SMAP1: variants seen among roughly 807,000 people sequenced by gnomAD.
SMAP1 encodes stromal membrane-associated protein 1.
Under a neutral mutation model 58.5 loss-of-function variants are expected in SMAP1, and 24 were observed. The observed-to-expected ratio is 0.41, with a 90% confidence interval of 0.30 to 0.58. The LOEUF (loss-of-function observed/expected upper bound fraction) is 0.58. Among genes scored for constraint, SMAP1 ranks in the 20% least tolerant of loss-of-function variants. SMAP1 has a pLI of 0.29. For missense variants in SMAP1, 563 were observed against 566.3 expected (o/e 0.99, Z 0.06); for synonymous variants, 216 against 196.6 (o/e 1.10, Z -0.82).
At chr6:70,818,164 C>T (rs963755082) in intron 6 of SMAP1, among the ~76,000 whole-genome samples, 21 of 151,258 alleles carry the variant, frequency 1.4e-4, no homozygotes, top group African/African-American at 3.9e-4. Flanking sequence ...GAGGTTGAGG[C>T]GGGCGGATTA....
At chr6:70,818,630 C>T (rs1257568487) in intron 6 of SMAP1, among the ~76,000 whole-genome samples, 1 of 152,000 alleles carries the variant, frequency 6.6e-6, no homozygotes, top group Non-Finnish European at 1.5e-5. Flanking sequence ...GCTTTCTATC[C>T]CTCTTTTCCT....
chr6:70,804,421 G>T (rs148898695), intron 6 of SMAP1, among the ~76,000 whole-genome samples: 1 of 151,566 alleles, frequency 6.6e-6, no homozygotes, highest in South Asian at 2.1e-4. Context: ...AATACAGCAC[G>T]CTGATGGTGA....
At chr6:70,733,872 G>T (rs1311443446) in intron 2 of SMAP1, among the ~76,000 whole-genome samples, 1 of 152,150 alleles carries the variant, frequency 6.6e-6, no homozygotes, top group Non-Finnish European at 1.5e-5. Context: ...CAATTAGGTT[G>T]TTGAGAGGAA....
At chr6:70,701,312 G>A (rs1419473430) in intron 1 of SMAP1, among the ~76,000 whole-genome samples, 4 of 151,722 alleles carry the variant, frequency 2.6e-5, no homozygotes, top group Non-Finnish European at 5.9e-5. Flanking sequence ...GAACTCCTGA[G>A]CTCAAGTGAT....
chr6:70,780,923 G>A (rs577185892), intron 4 of SMAP1, among the ~76,000 whole-genome samples: 7 of 152,258 alleles, frequency 4.6e-5, no homozygotes, highest in African/African-American at 1.7e-4. Context: ...TAGTATTGCT[G>A]CAAGAATTAA....
chr6:70,689,217 AG>A (rs1344619847), intron 1 of SMAP1, among the ~76,000 whole-genome samples: 3 of 152,128 alleles, frequency 2.0e-5, no homozygotes, highest in Non-Finnish European at 2.9e-5. Flanking sequence ...CTATGTTGGC[AG>A]GGCTGGTCTT....
At chr6:70,837,808 G>A in intron 7 of SMAP1, 2 of 1,256,940 alleles carry the variant, frequency 1.6e-6, no homozygotes, top group Middle Eastern at 2.2e-4. Context: ...AAGGAAAAGA[G>A]TGAAAGGCAG....
chr6:70,755,053 CA>C lies in SMAP1; in HGVS notation c.327del (p.Gln110ArgfsTer25). On this transcript the variant is annotated frameshift_variant, in exon 3 of 11. Transcript: ENST00000370455. LOFTEE classifies it high-confidence loss of function. ...AATCTTCCAGAGAACTTTCGAAGACCACAGACAGATCAGTATCCTTTAAAAC... is the reference window on the plus strand; with the variant it reads ...AATCTTCCAGAGAACTTTCGAAGACCCAGACAGATCAGTATCCTTTAAAAC... ...EANLPENFRR[P>X]QTDQAVEFFI... is the part of the protein sequence containing the mutation. 5.6e-6 allele frequency: 9 copies of C among 1,608,374 alleles called. No individual in the cohort carries two copies. The highest frequency in any genetic ancestry group is 7.7e-6 in the Non-Finnish European group (9 of 1,175,988).
intron 6 of SMAP1, among the ~76,000 whole-genome samples, chr6:70,806,151 C>T (rs975227682): frequency 3.3e-5 from 5 of 152,214 alleles, no homozygotes; most frequent in East Asian, 1.9e-4. Flanking sequence ...TGCTGAGCTG[C>T]GGTGGGCTCC....
intron 3 of SMAP1, among the ~76,000 whole-genome samples, chr6:70,768,485 G>A (rs980954534): frequency 3.0e-4 from 46 of 152,316 alleles, no homozygotes; most frequent in Middle Eastern, 3.4e-3. Flanking sequence ...TTGGGAGGGT[G>A]TATGTGTCGA....
chr6:70,770,334 T>A (rs1767220536), intron 3 of SMAP1, among the ~76,000 whole-genome samples: 1 of 152,236 alleles, frequency 6.6e-6, no homozygotes, highest in South Asian at 2.1e-4. Context: ...GATAATATCC[T>A]GCAGAGTGTT....
chr6:70,818,835 A>G lies in SMAP1; in HGVS notation c.577-18106A>G, dbSNP rs568833574. ...CGTTTCCCCAATTTAAAATTTTTCT[A>G]CGATGTTACTTTTAAAATATCAACT... On this transcript the variant is annotated intron_variant, in intron 6 of 10. Transcript: ENST00000370455. Among the ~76,000 whole-genome samples, 66 of 152,288 alleles carry G rather than the reference A, an allele frequency of 4.3e-4. 1 individual carries two copies. In the South Asian group the frequency reaches 0.012, roughly 28 times the overall value.
chr6:70,729,122 T>G (rs1407154314), intron 1 of SMAP1, among the ~76,000 whole-genome samples: 1 of 152,136 alleles, frequency 6.6e-6, no homozygotes, highest in South Asian at 2.1e-4. Context: ...CTTTTTGTTC[T>G]TGATACTGCA....
intron 1 of SMAP1, among the ~76,000 whole-genome samples, chr6:70,682,867 G>T (rs774776178): frequency 6.6e-6 from 1 of 152,074 alleles, no homozygotes; most frequent in Non-Finnish European, 1.5e-5. Flanking sequence ...GCGAAACCCT[G>T]TCTCTACTAA....
chr6:70,758,139 G>A (rs1002215085), intron 3 of SMAP1, among the ~76,000 whole-genome samples: 25 of 150,324 alleles, frequency 1.7e-4, no homozygotes, highest in African/African-American at 6.1e-4. Flanking sequence ...AACAATGATA[G>A]ACTGGATTAA....
At chr6:70,785,580 G>A (rs1414716101) in intron 4 of SMAP1, among the ~76,000 whole-genome samples, 4 of 152,194 alleles carry the variant, frequency 2.6e-5, no homozygotes, top group African/African-American at 7.2e-5. Context: ...AGAAAAGAGA[G>A]AAGAATCAAA....
intron 4 of SMAP1, among the ~76,000 whole-genome samples, chr6:70,787,541 A>G (rs1768110071): frequency 6.6e-6 from 1 of 152,304 alleles, no homozygotes; most frequent in South Asian, 2.1e-4. Flanking sequence ...AATTTTTGCA[A>G]TCTACTCATC....
chr6:70,690,072 GAACCTTTAGTAA>G (rs1219165972), intron 1 of SMAP1, among the ~76,000 whole-genome samples: 1 of 151,898 alleles, frequency 6.6e-6, no homozygotes, highest in East Asian at 1.9e-4. Flanking sequence ...GCACTGACTA[GAACCTTTAGTAA>G]AAATAGAAGT....
rs1218563301 is a variant in SMAP1 at position 70,836,945 on chromosome 6, A to G, written c.581A>G (p.Gln194Arg). 4 of 1,584,600 alleles carry G rather than the reference A, an allele frequency of 2.5e-6. No homozygotes were observed. The highest frequency in any genetic ancestry group is 1.4e-5 in the African/African-American group (1 of 73,198). The change falls in exon 7 of 11, where the codon CAG (glutamine) becomes CGG (arginine). Residue 194 changes from glutamine to arginine, a missense_variant. Gln to Arg is a conservative substitution (Grantham distance 43, BLOSUM62 1). This residue lies in a region of SMAP1 where 494 missense variants were observed against 473.8 expected (regional missense o/e 1.04). Coordinates refer to ENST00000370455, the MANE Select transcript of SMAP1 (RefSeq NM_001044305.3). ...PAKPLTAEKL[Q>R]KKDQQLEPKK... ...ATCCAATTATTTACTTTAAAGCTGC[A>G]GAAGAAAGATCAGCAACTGGAGCCT... is the stretch of plus-strand genomic sequence containing the variant.
Sources: allele counts gnomAD v4.1 joint callset (sites outside exome capture counted in the v4.1 genomes callset), GRCh38; gene constraint gnomAD v4.1.1; regional missense constraint gnomAD v4.1.1; transcripts MANE v1.5; gene names NCBI Gene and HGNC (gene_info 2026-07-23, HGNC 2026-07-21).